SHOX: variants seen among roughly 807,000 people sequenced by gnomAD.
SHOX encodes the protein short stature homeobox protein.
A neutral mutation model predicts 29.6 loss-of-function variants in SHOX; 12 were observed. The ratio of observed to expected loss-of-function variants is 0.41; its 90% confidence interval spans 0.26 to 0.66. The LOEUF (loss-of-function observed/expected upper bound fraction) is 0.66, where lower values mean the gene tolerates loss of function less well. Among genes scored for constraint, SHOX ranks in the 30% least tolerant of loss-of-function variants. SHOX has a pLI of 0.35. For synonymous variants in SHOX, 214 were observed against 200.6 expected (o/e 1.07, Z -0.57); for missense variants, 499 against 437.7 (o/e 1.14, Z -1.25).
At chrX:625,885 T>G (rs2052522666), upstream of SHOX, among the ~76,000 whole-genome samples, 1 of 133,000 alleles carries the variant, frequency 7.5e-6, no homozygotes, top group African/African-American at 2.6e-5. Context: ...TCTTTCTCTC[T>G]CTCCTCTCTC....
upstream of SHOX, among the ~76,000 whole-genome samples, chrX:627,726 G>C (rs1201550393): frequency 6.6e-6 from 1 of 152,136 alleles, no homozygotes; most frequent in Non-Finnish European, 1.5e-5. Flanking sequence ...GGACACCCTG[G>C]TAGAGCGGAG....
rs150534199 is a variant in SHOX, at chrX:643,471, G to A, written c.634-920G>A. Among the ~76,000 whole-genome samples, 617 of 149,272 alleles carry A rather than the reference G, an allele frequency of 4.1e-3. 7 individuals carry two copies. The highest frequency in any genetic ancestry group is 0.015 in the African/African-American group (593 of 40,268). Reference sequence around the variant, plus strand: ...GACCCGGGAGAGCCTTGGGGACCTGGTGTCCTGGGGAGAGCCTTGGGGACC... The same window carrying A: ...GACCCGGGAGAGCCTTGGGGACCTGATGTCCTGGGGAGAGCCTTGGGGACC... On this transcript the variant is annotated intron_variant, in intron 4 of 4. Coordinates refer to ENST00000686671, the MANE Select transcript of SHOX (RefSeq NM_000451.4).
rs2052714334 is a variant in SHOX at position 634,797 on chromosome X, C to A, written c.457C>A (p.Arg153Ser). The A allele has an allele frequency of 1.4e-5, 23 of 1,591,222 alleles. No individual in the cohort carries two copies. The South Asian group carries it at 2.6e-4, about 18-fold the overall frequency. Residue 153 changes from arginine (R) to serine (S), a missense_variant, in exon 2 of 5, where the codon CGC becomes AGC. By Grantham distance (110) the Arg-to-Ser change is moderately radical. Coordinates refer to ENST00000686671, the MANE Select transcript of SHOX (RefSeq NM_000451.4). The part of the protein sequence containing the change: ...DAFMREELSQ[R>S]LGLSEARVQV... Reference sequence around the variant, plus strand: ...CTTCATGCGCGAGGAGCTCAGCCAGCGCCTGGGGCTCTCCGAGGCGCGCGT... The same window carrying A: ...CTTCATGCGCGAGGAGCTCAGCCAGAGCCTGGGGCTCTCCGAGGCGCGCGT...
upstream of SHOX, among the ~76,000 whole-genome samples, chrX:627,648 G>C (rs1203625212): frequency 6.7e-6 from 1 of 149,814 alleles, no homozygotes; most frequent in African/African-American, 2.5e-5. Flanking sequence ...CTTTTTCTCC[G>C]AGGCCGAGGG....
intron 2 of SHOX, among the ~76,000 whole-genome samples, chrX:639,078 C>G (rs1294753171): frequency 6.6e-6 from 1 of 152,132 alleles, no homozygotes; most frequent in Non-Finnish European, 1.5e-5. Context: ...AGGGGATTGT[C>G]AATACTGGGA....
At chrX:633,286 C>T (rs2052681117) in intron 1 of SHOX, among the ~76,000 whole-genome samples, 1 of 151,988 alleles carries the variant, frequency 6.6e-6, no homozygotes, top group South Asian at 2.1e-4. Context: ...ACTTTGAAGA[C>T]CAGTTTGTCA....
intron 1 of SHOX, among the ~76,000 whole-genome samples, chrX:633,794 G>A (rs1352217424): frequency 6.6e-6 from 1 of 152,088 alleles, no homozygotes; most frequent in Non-Finnish European, 1.5e-5. Flanking sequence ...GGGGAGCGAG[G>A]GAGACACCTT....
intron 5 of SHOX, chrX:658,672 G>A (rs111231543): frequency 0.18 from 36,076 of 199,172 alleles, 4,020 homozygotes; most frequent in East Asian, 0.38. Context: ...GGGTTTCACC[G>A]TGTTAGCCAG....
At chrX:652,235 G>T (rs1159230901), downstream of SHOX, among the ~76,000 whole-genome samples, 2 of 151,912 alleles carry the variant, frequency 1.3e-5, no homozygotes, top group African/African-American at 4.8e-5. Flanking sequence ...TTCGACAGTG[G>T]CACGGATTTT....
downstream of SHOX, among the ~76,000 whole-genome samples, chrX:656,495 C>A (rs28799059): frequency 6.6e-6 from 1 of 151,058 alleles, no homozygotes; most frequent in Non-Finnish European, 1.5e-5. Flanking sequence ...TTGCTTGAGC[C>A]CAGGAGTTCA....
At chrX:655,557 ACTCTCTCTCTGTCTCTCTCT>A (rs1363898237), downstream of SHOX, among the ~76,000 whole-genome samples, 3 of 107,994 alleles carry the variant, frequency 2.8e-5, no homozygotes, top group Admixed American at 1.9e-4. Flanking sequence ...AGCAAAAAGG[ACTCTCTCTCTGTCTCTCTCT>A]CTCTCTCTCT....
At chrX:644,255 GT>G (rs1272882242) in intron 4 of SHOX, 135 bp from the exon 5 acceptor site, 2 of 1,132,904 alleles carry the variant, frequency 1.8e-6, no homozygotes, top group Non-Finnish European at 2.4e-6. Context: ...CGGGTGTGGG[GT>G]GGTCTCCACG....
downstream of SHOX, among the ~76,000 whole-genome samples, chrX:654,833 C>T (rs1237930782): frequency 7.2e-5 from 11 of 151,946 alleles, no homozygotes; most frequent in South Asian, 6.2e-4. Context: ...TACAGGTGCC[C>T]GCCACCACAC....
At chrX:637,113 G>A (rs1274362764) in intron 2 of SHOX, among the ~76,000 whole-genome samples, 2 of 151,850 alleles carry the variant, frequency 1.3e-5, no homozygotes, top group Admixed American at 1.3e-4. Flanking sequence ...AGGAGGGAGA[G>A]AGGCTTTGGT....
chrX:638,108 G>A (rs1383543057), intron 2 of SHOX, among the ~76,000 whole-genome samples: 1 of 152,118 alleles, frequency 6.6e-6, no homozygotes, highest in Non-Finnish European at 1.5e-5. Flanking sequence ...AGCGGGGAGT[G>A]CTCTTTAATG....
At position 624,898 on chromosome X, in the gene SHOX, CT is replaced by C. The variant is rs1569491688; in HGVS notation, c.-433+299del. Among the ~76,000 whole-genome samples the C allele has an allele frequency of 2.9e-3, 204 of 70,210 alleles. 6 individuals carry two copies. The highest frequency in any genetic ancestry group is 7.6e-3 in the Middle Eastern group (1 of 132). The allele number at this position is 70,210 out of a possible 152,430, so 46.1% of individuals were successfully genotyped here. A position where few individuals can be genotyped will look rare whatever the true frequency, so the allele number is the denominator to read the frequency against. On this transcript the variant is annotated intron_variant, in intron 1 of 5. Coordinates refer to the SHOX transcript ENST00000334060. ...TCTTTCTTTCTTTCTTTCTTTCTTT[CT>C]TTCTCTCTTCCTTTCTTTCTTTCTT...
rs758688221 is a variant in SHOX at position 650,211 on chromosome X, G to A, written c.*5575G>A. On this transcript the variant is annotated 3_prime_UTR_variant, in exon 5 of 5. Transcript: ENST00000686671. ...TGTACGATTTAGAGCGTAACTGACC[G>A]CGTCCAACACCCGTTTTTCCACTTA... Among the ~76,000 whole-genome samples the A allele has an allele frequency of 2.2e-4, 33 of 152,268 alleles. 2 individuals are homozygous for A. In the South Asian group the frequency reaches 3.5e-3, roughly 16 times the overall value.
exon 6 of SHOX, chrX:658,849 C>T (rs1407523009): frequency 2.4e-5 from 9 of 381,240 alleles, no homozygotes; most frequent in Non-Finnish European, 4.2e-5. Flanking sequence ...ACTGCAACCT[C>T]CGCCTCCCGA....
At chrX:643,313 G>GCCGGGAGAGGCTTGGGGACCTGGTGTC (rs1569494997) in intron 4 of SHOX, among the ~76,000 whole-genome samples, 1 of 103,242 alleles carries the variant, frequency 9.7e-6, no homozygotes, top group African/African-American at 3.8e-5. Context: ...GATCTGGTGA[G>GCCGGGAGAGGCTTGGGGACCTGGTGTC]CCGGGAGAGG....
Sources: allele counts gnomAD v4.1 joint callset (sites outside exome capture counted in the v4.1 genomes callset), GRCh38; gene constraint gnomAD v4.1.1; transcripts MANE v1.5; gene names NCBI Gene and HGNC (gene_info 2026-07-23, HGNC 2026-07-21).